Variants in STEAP3 observed in about 807,000 individuals in gnomAD.
STEAP3 encodes the protein STEAP3 metalloreductase.
STEAP3 carries 35 observed loss-of-function variants against 34.9 expected under a neutral mutation model. That is an observed-to-expected ratio of 1.00 (90% CI 0.76 to 1.33). STEAP3 has a LOEUF of 1.33. Among genes scored for constraint, STEAP3 ranks in the 40% most tolerant of loss-of-function variants. STEAP3 has a pLI of 0.00. For missense variants in STEAP3, 652 were observed against 667.6 expected, an observed-to-expected ratio of 0.98 and a Z score of 0.26; for synonymous variants, 281 against 301.6, an observed-to-expected ratio of 0.93 and a Z score of 0.71.
intron 1 of STEAP3, among the ~76,000 whole-genome samples, chr2:119,228,911 T>C (rs975368956): frequency 2.0e-5 from 3 of 152,112 alleles, no homozygotes; most frequent in Non-Finnish European, 4.4e-5. Context: ...GAACGCGTAC[T>C]CTCCAGCTCC....
intron 4 of STEAP3, among the ~76,000 whole-genome samples, chr2:119,251,497 C>T (rs146573935): frequency 6.6e-6 from 1 of 152,284 alleles, no homozygotes; most frequent in East Asian, 1.9e-4. Flanking sequence ...ACTCAAAGAT[C>T]AAGATCAAAG....
At chr2:119,254,917 C>G in intron 5 of STEAP3, 69 bp downstream of exon 5, 1 of 1,550,322 alleles carries the variant, frequency 6.5e-7, no homozygotes, top group African/African-American at 1.4e-5. Flanking sequence ...AGTAAGTGCT[C>G]TGCCTTTGAG....
At chr2:119,255,022 G>C (rs1007058593) in intron 5 of STEAP3, among the ~76,000 whole-genome samples, 174 bp downstream of exon 5, 1 of 152,144 alleles carries the variant, frequency 6.6e-6, no homozygotes, top group Non-Finnish European at 1.5e-5. Flanking sequence ...TCTTGATAGG[G>C]GCTGCCTGCT....
chr2:119,263,058 C>T lies in STEAP3; in HGVS notation c.1217C>T (p.Ser406Phe), dbSNP rs201774653. The change falls in exon 6 of 6, where the codon TCC becomes TTC. Residue 406 changes from serine to phenylalanine, a missense_variant and splice_region_variant. Ser to Phe is a radical substitution (Grantham distance 155, BLOSUM62 -2). Transcript: ENST00000393110. The part of the protein sequence containing the change: ...LNWREFSFVQ[S>F]SLGFVALVLS... ...TCCAGCCTTTTTTTCCCTCCACAGTCCTCACTGGGCTTTGTGGCCCTCGTG... is the reference window on the plus strand; with the variant it reads ...TCCAGCCTTTTTTTCCCTCCACAGTTCTCACTGGGCTTTGTGGCCCTCGTG... 3.6e-5 allele frequency: 58 copies of T among 1,604,028 alleles called. No individual in the cohort carries two copies. Among genetic ancestry groups the T allele is most frequent in the Non-Finnish European group, 4.5e-5 (53 of 1,179,500 alleles).
In STEAP3 at chr2:119,245,758, T is replaced by A; in HGVS notation, c.292T>A (p.Phe98Ile). Residue 98 changes from phenylalanine to isoleucine, a missense_variant, in exon 3 of 6, where the codon TTT (phenylalanine) becomes ATT (isoleucine). By Grantham distance (21) the Phe-to-Ile change is conservative. Transcript: ENST00000393110. ...GGCAGTGAGCTCCCCGGAGGTCATC[T>A]TTGTGGCTGTGTTCCGGGAGCACTA... ...EEAVSSPEVI[F>I]VAVFREHYSS... The A allele has an allele frequency of 1.2e-6, 2 of 1,614,236 alleles. No homozygotes were observed. Among genetic ancestry groups the A allele is most frequent in the Non-Finnish European group, 1.7e-6 (2 of 1,180,046 alleles).
chr2:119,243,417 ACAGAC>A (rs1389881630), intron 2 of STEAP3, among the ~76,000 whole-genome samples: 1 of 152,148 alleles, frequency 6.6e-6, no homozygotes, highest in Non-Finnish European at 1.5e-5. Flanking sequence ...GCCGAGGCAG[ACAGAC>A]CTGCCTCCTG....
Position 119,247,970 on chromosome 2 carries a change from G to C in STEAP3, c.814G>C (p.Val272Leu). 6.2e-7 allele frequency: 1 copy of C among 1,613,052 alleles called. No homozygotes were observed. The highest frequency in any genetic ancestry group is 8.5e-7 in the Non-Finnish European group (1 of 1,179,978). Residue 272 changes from valine to leucine, a missense_variant, in exon 4 of 6, where the codon GTG becomes CTG. By Grantham distance (32) the Val-to-Leu change is conservative. Transcript: ENST00000393110. ...VSVVNTTLPCVAYVLLSLVYL... is the reference protein window; with the variant it reads ...VSVVNTTLPCLAYVLLSLVYL... ...CGTGGTCAACACCACACTGCCGTGC[G>C]TGGCCTACGTGCTGCTGTCACTCGT...
At chr2:119,224,516 G>A (rs921942582) in intron 1 of STEAP3, among the ~76,000 whole-genome samples, 1 of 152,234 alleles carries the variant, frequency 6.6e-6, no homozygotes, top group Non-Finnish European at 1.5e-5. Context: ...GAAATTTGGG[G>A]ACAGGCTGCC....
At chr2:119,248,495 T>G in intron 4 of STEAP3, 1 of 400,468 alleles carries the variant, frequency 2.5e-6, no homozygotes. Flanking sequence ...TCAGGAGTGC[T>G]AAGGCGCAAA....
chr2:119,263,106 C>G lies in STEAP3; in HGVS notation c.1265C>G (p.Thr422Ser). The G allele has an allele frequency of 6.2e-7, 1 of 1,611,978 alleles. No homozygotes were observed. The highest frequency in any genetic ancestry group is 8.5e-7 in the Non-Finnish European group (1 of 1,180,028). ...ALVLSTLHTL[T>S]YGWTRAFEES... ...GTGCTGAGCACACTGCACACGCTCA[C>G]CTACGGCTGGACCCGCGCCTTCGAG... The change falls in exon 6 of 6, where the codon ACC becomes AGC. Residue 422 changes from threonine (T) to serine (S), a missense_variant. Physicochemically the swap from Thr to Ser is moderately conservative, Grantham distance 58 (BLOSUM62 1). Coordinates refer to ENST00000393110, the MANE Select transcript of STEAP3 (RefSeq NM_182915.3).
chr2:119,245,987 A>C lies in STEAP3; in HGVS notation c.521A>C (p.Gln174Pro). Residue 174 changes from glutamine (Q) to proline (P), a missense_variant and splice_region_variant, in exon 3 of 6, where the codon CAG becomes CCG. Physicochemically the swap from Gln to Pro is moderately conservative, Grantham distance 76. Transcript: ENST00000393110. ...GCTGGCCCAAGGGATGGTAACAGGC[A>C]GGTAGGTTCTGGGGGAATAATACCC... is the stretch of plus-strand genomic sequence containing the variant. ...LQAGPRDGNR[Q>P]VPICGDQPEA... The C allele has an allele frequency of 6.2e-7, 1 of 1,610,552 alleles. No individual in the cohort carries two copies.
chr2:119,247,703 G>C lies in STEAP3; in HGVS notation c.547G>C (p.Glu183Gln). The C allele has an allele frequency of 6.5e-7, 1 of 1,545,900 alleles. No individual in the cohort carries two copies. The highest frequency in any genetic ancestry group is 8.7e-7 in the Non-Finnish European group (1 of 1,150,112). ...RQVPICGDQP[E>Q]AKRAVSEMAL... ...GGTGCCCATCTGCGGTGACCAGCCA[G>C]AAGCCAAGCGTGCTGTCTCGGAGAT... Residue 183 changes from glutamate to glutamine, a missense_variant, in exon 4 of 6, where the codon GAA becomes CAA. Coordinates refer to ENST00000393110, the MANE Select transcript of STEAP3 (RefSeq NM_182915.3).
intron 5 of STEAP3, among the ~76,000 whole-genome samples, chr2:119,255,775 A>G (rs1166973912): frequency 2.6e-5 from 4 of 151,666 alleles, no homozygotes; most frequent in Non-Finnish European, 5.9e-5. Context: ...CACAGAACAT[A>G]CTCTGGGAAA....
intron 3 of STEAP3, 67 bp downstream of exon 3, chr2:119,246,055 G>A (rs1468013121): frequency 2.6e-6 from 4 of 1,536,612 alleles, no homozygotes; most frequent in Non-Finnish European, 3.5e-6. Flanking sequence ...ATCGAGTGCT[G>A]CCAGCATGCT....
At chr2:119,254,908 G>A in intron 5 of STEAP3, 60 bp downstream of exon 5, 1 of 1,570,794 alleles carries the variant, frequency 6.4e-7, no homozygotes, top group African/African-American at 1.3e-5. Context: ...CCTCTCATGA[G>A]TAAGTGCTCT....
intron 2 of STEAP3, among the ~76,000 whole-genome samples, chr2:119,244,070 G>A (rs838085): frequency 0.014 from 2,131 of 152,110 alleles, 33 homozygotes; most frequent in Non-Finnish European, 0.024. Context: ...AATAGCTTAG[G>A]GTTACAAATG....
rs185271650 is a variant in STEAP3 at position 119,233,627 on chromosome 2, C to T, written c.22+2593C>T. 1.1e-3 allele frequency among the ~76,000 whole-genome samples: 172 copies of T among 152,242 alleles called. 2 individuals are homozygous for T. Among genetic ancestry groups the T allele is most frequent in the Admixed American group, 8.1e-3 (124 of 15,292 alleles). On this transcript the variant is annotated intron_variant, in intron 2 of 5. Transcript: ENST00000393110. The stretch of plus-strand genomic sequence containing the variant: ...TGAGCACTTACTGTGTGCTAGGCCC[C>T]GGTAGGTGTTAGAGGCACAGAAATG...
rs1459511414 is a variant in STEAP3 at position 119,264,689 on chromosome 2, AAG to A, written c.*1354_*1355del. The A allele has an allele frequency of 6.6e-6, 1 of 152,166 alleles. No individual in the cohort carries two copies. Among genetic ancestry groups the A allele is most frequent in the Non-Finnish European group, 1.5e-5 (1 of 68,078 alleles). 9.4% of individuals were successfully genotyped at this position (152,166 alleles called of 1,614,324 possible). On this transcript the variant is annotated 3_prime_UTR_variant, in exon 6 of 6. Transcript: ENST00000393110. The stretch of plus-strand genomic sequence containing the variant: ...CACAGAAAAAGCATCTTTGAAGACA[AAG>A]AGGGTGAGGTCTTCATGAGTCTCCT...
At chr2:119,243,653 A>G (rs1334774921) in intron 2 of STEAP3, among the ~76,000 whole-genome samples, 1 of 152,230 alleles carries the variant, frequency 6.6e-6, no homozygotes, top group African/African-American at 2.4e-5. Flanking sequence ...TGCCTTATAA[A>G]AGGAAAAATC....
Sources: allele counts gnomAD v4.1 joint callset (sites outside exome capture counted in the v4.1 genomes callset), GRCh38; gene constraint gnomAD v4.1.1; transcripts MANE v1.5; gene names NCBI Gene and HGNC (gene_info 2026-07-23, HGNC 2026-07-21).